Variants in SMOC1 observed in about 807,000 individuals in gnomAD.
SMOC1 encodes SPARC related modular calcium binding 1.
In SMOC1, 22 loss-of-function variants were observed where a neutral mutation model predicts 56.3. The observed-to-expected ratio is 0.39, with a 90% confidence interval of 0.28 to 0.56. SMOC1 has a LOEUF of 0.56. Ranked by LOEUF, SMOC1 falls within the 20% of genes least tolerant of loss-of-function variation. The pLI is 0.61. For synonymous variants in SMOC1, 193 were observed against 215.0 expected (o/e 0.90, Z 0.89); for missense variants, 509 against 565.4 (o/e 0.90, Z 1.01).
chr14:69,938,060 A>G (rs1234887729), intron 1 of SMOC1, among the ~76,000 whole-genome samples: 1 of 152,170 alleles, frequency 6.6e-6, no homozygotes, highest in African/African-American at 2.4e-5. Context: ...CTCCCTTGTC[A>G]GTGTAAATCT....
At chr14:69,914,542 C>CCA (rs1288584722) in intron 1 of SMOC1, among the ~76,000 whole-genome samples, 1 of 151,902 alleles carries the variant, frequency 6.6e-6, no homozygotes, top group Non-Finnish European at 1.5e-5. Context: ...TCCTTAACAC[C>CCA]CACACGATCA....
chr14:69,930,186 C>CCACTCCCCTGACAGCACCCTTCT lies in SMOC1; in HGVS notation c.100-21948_100-21926dup, dbSNP rs1326522551. Reference sequence around the variant, plus strand: ...GACTGTACCCCTGACAGCACCCTTCCCACTCCCCTGACAGCACCCTTCTCA... The same window carrying CCACTCCCCTGACAGCACCCTTCT: ...GACTGTACCCCTGACAGCACCCTTCCCACTCCCCTGACAGCACCCTTCTCACTCCCCTGACAGCACCCTTCTCA... On this transcript the variant is annotated intron_variant, in intron 1 of 11. Coordinates refer to ENST00000361956, the MANE Select transcript of SMOC1 (RefSeq NM_001034852.3). Among the ~76,000 whole-genome samples, 373 of 149,718 alleles carry CCACTCCCCTGACAGCACCCTTCT rather than the reference C, an allele frequency of 2.5e-3. 8 individuals are homozygous for CCACTCCCCTGACAGCACCCTTCT. The East Asian group carries it at 0.059, about 24-fold the overall frequency.
chr14:70,016,645 C>T (rs1885523107), intron 10 of SMOC1, among the ~76,000 whole-genome samples: 1 of 152,212 alleles, frequency 6.6e-6, no homozygotes, highest in Admixed American at 6.5e-5. Flanking sequence ...TGGGCTGGCC[C>T]TTCAGGACAA....
intron 11 of SMOC1, among the ~76,000 whole-genome samples, chr14:70,026,021 C>G (rs897997667): frequency 2.0e-5 from 3 of 152,286 alleles, no homozygotes; most frequent in Admixed American, 2.0e-4. Flanking sequence ...CCCCTTGAAG[C>G]CAAAAGGATT....
rs1422761827 is a variant in SMOC1 at position 70,030,480 on chromosome 14, G to T, written c.*222G>T. The T allele has an allele frequency of 6.8e-6, 2 of 293,982 alleles. No individual in the cohort carries two copies. Among genetic ancestry groups the T allele is most frequent in the East Asian group, 9.1e-5 (1 of 10,938 alleles). 18.2% of individuals were successfully genotyped at this position (293,982 alleles called of 1,614,324 possible). On this transcript the variant is annotated 3_prime_UTR_variant, in exon 12 of 12. Coordinates refer to ENST00000361956, the MANE Select transcript of SMOC1 (RefSeq NM_001034852.3). Reference sequence around the variant, plus strand: ...CAGTGGGAAAAGGAAAGGGAAGAAAGACTTTATTCTCTCTCTTATTGTAAG... The same window carrying T: ...CAGTGGGAAAAGGAAAGGGAAGAAATACTTTATTCTCTCTCTTATTGTAAG...
intron 10 of SMOC1, among the ~76,000 whole-genome samples, chr14:70,015,504 T>C (rs1454773055): frequency 6.6e-6 from 1 of 151,728 alleles, no homozygotes; most frequent in Non-Finnish European, 1.5e-5. Flanking sequence ...GTGAGTGCAG[T>C]GGTTGCCCGT....
At chr14:70,005,658 G>A (rs1413569867) in intron 7 of SMOC1, among the ~76,000 whole-genome samples, 1 of 152,124 alleles carries the variant, frequency 6.6e-6, no homozygotes, top group Non-Finnish European at 1.5e-5. Context: ...CTTCTCTTAG[G>A]CAGTCAGAGG....
intron 10 of SMOC1, among the ~76,000 whole-genome samples, chr14:70,018,892 TG>T (rs1885613935): frequency 6.6e-6 from 1 of 152,236 alleles, no homozygotes; most frequent in East Asian, 1.9e-4. Context: ...CCCGCACAGC[TG>T]GCGGGGCCTG....
intron 7 of SMOC1, among the ~76,000 whole-genome samples, chr14:70,010,448 C>T (rs1326584390): frequency 6.6e-6 from 1 of 152,248 alleles, no homozygotes; most frequent in Non-Finnish European, 1.5e-5. Context: ...TTGGGACAAG[C>T]TGCCACTCTG....
chr14:70,013,193 A>G (rs762153163), intron 9 of SMOC1, among the ~76,000 whole-genome samples, 193 bp from the exon 10 acceptor site: 1 of 152,224 alleles, frequency 6.6e-6, no homozygotes, highest in Non-Finnish European at 1.5e-5. Context: ...ATTTGGTCTG[A>G]TGGTCCTTTG....
At chr14:69,903,214 G>A (rs1333320906) in intron 1 of SMOC1, among the ~76,000 whole-genome samples, 1 of 151,012 alleles carries the variant, frequency 6.6e-6, no homozygotes, top group African/African-American at 2.4e-5. Context: ...GATGTGGGGA[G>A]CCCCTCTGCC....
chr14:69,989,499 T>G (rs1317205676), intron 5 of SMOC1, among the ~76,000 whole-genome samples: 1 of 152,238 alleles, frequency 6.6e-6, no homozygotes, highest in African/African-American at 2.4e-5. Flanking sequence ...TTTGCACTCA[T>G]GGAATTATAG....
chr14:69,985,599 A>G (rs1248025154), intron 5 of SMOC1, among the ~76,000 whole-genome samples: 1 of 152,216 alleles, frequency 6.6e-6, no homozygotes, highest in Non-Finnish European at 1.5e-5. Flanking sequence ...TTTCAGAAAT[A>G]AACAATTTGT....
chr14:69,959,755 C>T (rs1364310257), intron 3 of SMOC1, among the ~76,000 whole-genome samples: 1 of 152,050 alleles, frequency 6.6e-6, no homozygotes, highest in African/African-American at 2.4e-5. Flanking sequence ...GGAGATGTAA[C>T]TTCTTCTTGA....
chr14:69,931,502 C>T (rs1885165364), intron 1 of SMOC1, among the ~76,000 whole-genome samples: 1 of 152,236 alleles, frequency 6.6e-6, no homozygotes, highest in Non-Finnish European at 1.5e-5. Flanking sequence ...AGATCATGTT[C>T]TTTGGGAGCT....
chr14:69,918,830 G>A (rs1485136784), intron 1 of SMOC1, among the ~76,000 whole-genome samples: 1 of 152,180 alleles, frequency 6.6e-6, no homozygotes, highest in Non-Finnish European at 1.5e-5. Flanking sequence ...CAAGAACAAA[G>A]CTTCTCTGTC....
chr14:70,001,305 T>A (rs956661003), intron 7 of SMOC1, among the ~76,000 whole-genome samples: 9 of 152,138 alleles, frequency 5.9e-5, no homozygotes, highest in African/African-American at 2.2e-4. Context: ...AGAACTATCA[T>A]GTGCTAAGGC....
intron 1 of SMOC1, among the ~76,000 whole-genome samples, chr14:69,884,256 A>G (rs1167809495): frequency 6.6e-6 from 1 of 152,182 alleles, no homozygotes; most frequent in Non-Finnish European, 1.5e-5. Flanking sequence ...CTTTTGAGAA[A>G]TACCTATTCA....
chr14:70,025,390 G>T (rs1032595353), intron 11 of SMOC1, among the ~76,000 whole-genome samples: 1 of 152,130 alleles, frequency 6.6e-6, no homozygotes, highest in Non-Finnish European at 1.5e-5. Flanking sequence ...ACTTCCCACC[G>T]CCCGCCCCGC....
Sources: gnomAD v4.1 joint callset for allele counts (sites outside exome capture counted in the v4.1 genomes callset) on GRCh38, gnomAD v4.1.1 for gene constraint, MANE v1.5 for transcripts, NCBI Gene and HGNC (gene_info 2026-07-23, HGNC 2026-07-21) for gene names.